The following GPATCH8 variants were observed in gnomAD, a reference collection of about 807,000 sequenced individuals.
GPATCH8 encodes the protein G patch domain-containing protein 8.
Under a neutral mutation model 118.3 loss-of-function variants are expected in GPATCH8, and 18 were observed. That is an observed-to-expected ratio of 0.15 (90% confidence interval 0.11 to 0.23). The LOEUF is 0.23. Ranked by LOEUF, GPATCH8 falls within the 10% of genes least tolerant of loss-of-function variation. The pLI is 1.00. For missense variants in GPATCH8, 1,631 were observed against 1,873.8 expected, an observed-to-expected ratio of 0.87 and a Z score of 2.39; for synonymous variants, 659 against 684.7, an observed-to-expected ratio of 0.96 and a Z score of 0.59.
At position 44,411,577 on chromosome 17, in the gene GPATCH8, G is replaced by A. The variant is rs557681021; in HGVS notation, c.493-5526C>T. ...GTATCAGAAAACAGGCAGAATTTAG[G>A]GCAGAATATTTCCTACTGCCACTAA... On this transcript the variant is annotated intron_variant, in intron 6 of 7. Transcript: ENST00000591680. 9.9e-5 allele frequency among the ~76,000 whole-genome samples: 15 copies of A among 152,122 alleles called. No homozygotes were observed. In the South Asian group the frequency reaches 2.9e-3, roughly 29 times the overall value.
intron 2 of GPATCH8, among the ~76,000 whole-genome samples, chr17:44,469,727 C>A (rs1438203868): frequency 2.0e-5 from 3 of 151,918 alleles, no homozygotes; most frequent in Non-Finnish European, 4.4e-5. Flanking sequence ...TAAAAATTCC[C>A]GAAACAAAAA....
chr17:44,439,251 T>C (rs1567989781), intron 3 of GPATCH8, among the ~76,000 whole-genome samples: 1 of 152,152 alleles, frequency 6.6e-6, no homozygotes, highest in Non-Finnish European at 1.5e-5. Context: ...TTGGAGAACT[T>C]TGTGCATTTG....
Position 44,499,595 on chromosome 17 carries a change from G to A in GPATCH8, c.45+3731C>T, listed in dbSNP as rs138745530. On this transcript the variant is annotated intron_variant, in intron 1 of 7. Transcript: ENST00000591680. ...CAGCTGCATCACCAATAATAGCTGC[G>A]CAACCATAAAATGCTAAGCACTGTT... Among the ~76,000 whole-genome samples the A allele has an allele frequency of 1.1e-3, 162 of 152,264 alleles. 1 individual carries two copies. In the East Asian group the frequency reaches 0.024, roughly 23 times the overall value.
Position 44,397,123 on chromosome 17 carries a change from C to T in GPATCH8, c.*445G>A, listed in dbSNP as rs573927607. On this transcript the variant is annotated 3_prime_UTR_variant, in exon 8 of 8. Coordinates refer to ENST00000591680, the MANE Select transcript of GPATCH8 (RefSeq NM_001002909.4). ...TCCACCACTAGAACAGCTTGGCCTT[C>T]CCTGTGGCGCTGAGAAGGCAAGACC... is the stretch of plus-strand genomic sequence containing the variant. 1.1e-4 allele frequency: 51 copies of T among 455,810 alleles called. No individual in the cohort carries two copies. Among genetic ancestry groups the T allele is most frequent in the South Asian group, 7.0e-4 (45 of 64,488 alleles). 28.2% of individuals were successfully genotyped at this position (455,810 alleles called of 1,614,324 possible). A position where few individuals can be genotyped will look rare whatever the true frequency, so the allele number is the denominator to read the frequency against.
chr17:44,414,676 T>C (rs1320344247), intron 6 of GPATCH8, among the ~76,000 whole-genome samples: 6 of 152,190 alleles, frequency 3.9e-5, no homozygotes, highest in African/African-American at 1.4e-4. Context: ...CTATCACCAC[T>C]ATCTAATTTT....
chr17:44,449,875 G>A (rs2051051787), intron 3 of GPATCH8, among the ~76,000 whole-genome samples: 2 of 152,160 alleles, frequency 1.3e-5, no homozygotes, highest in Non-Finnish European at 2.9e-5. Flanking sequence ...ACTAATAATG[G>A]AAAAAGCACT....
At chr17:44,429,756 C>T (rs1163407506) in intron 5 of GPATCH8, among the ~76,000 whole-genome samples, 1 of 151,730 alleles carries the variant, frequency 6.6e-6, no homozygotes, top group Non-Finnish European at 1.5e-5. Context: ...CCCAGTTGCT[C>T]GGGAGGCTGA....
intron 1 of GPATCH8, among the ~76,000 whole-genome samples, chr17:44,484,687 G>A (rs943508716): frequency 3.9e-5 from 6 of 152,086 alleles, no homozygotes; most frequent in Non-Finnish European, 7.4e-5. Context: ...ACATTTTGTT[G>A]TCATGTCACT....
rs1170980618 is a variant in GPATCH8, at chr17:44,399,674, G to A, written c.2403C>T (p.Thr801=). The change falls in exon 8 of 8, where the codon ACC becomes ACT. Residue 801 remains threonine, a synonymous_variant. Transcript: ENST00000591680. ...GATGGCTAGACCGGCTGCTCCGTTT[G>A]GTGCCTGCTCTTCGCTGGCAGGATG... ...PPSSCQRRAG[T]KRSSRSSHRS... 2.5e-6 allele frequency: 4 copies of A among 1,614,118 alleles called. No homozygotes were observed. Among genetic ancestry groups the A allele is most frequent in the Non-Finnish European group, 3.4e-6 (4 of 1,179,982 alleles).
At chr17:44,480,999 C>T (rs563813066) in intron 1 of GPATCH8, among the ~76,000 whole-genome samples, 20 of 152,308 alleles carry the variant, frequency 1.3e-4, no homozygotes, top group African/African-American at 4.8e-4. Flanking sequence ...CTCAACCCTC[C>T]TTGGGGCTTA....
In GPATCH8 at chr17:44,399,934, T is replaced by C. The variant is rs781733057; in HGVS notation, c.2143A>G (p.Lys715Glu). 3.1e-6 allele frequency: 5 copies of C among 1,614,100 alleles called. No homozygotes were observed. In the South Asian group the frequency reaches 5.5e-5, roughly 18 times the overall value. ...GEKSKKRKKR[K>E]RKKNKSSAPA... ...GCTGATGACTTATTCTTCTTTCGTT[T>C]TCGTTTCTTGCGCTTCTTAGATTTC... The change falls in exon 8 of 8, where the codon AAA becomes GAA. Residue 715 changes from lysine (K) to glutamate (E), a missense_variant. By Grantham distance (56) the Lys-to-Glu change is moderately conservative. Transcript: ENST00000591680.
Position 44,398,226 on chromosome 17 carries a change from G to A in GPATCH8, c.3851C>T (p.Pro1284Leu). 2 of 1,612,976 alleles carry A rather than the reference G, an allele frequency of 1.2e-6. No homozygotes were observed. Among genetic ancestry groups the A allele is most frequent in the African/African-American group, 1.3e-5 (1 of 75,002 alleles). The stretch of plus-strand genomic sequence containing the variant: ...CTCAATACTAGGATCCCCACTGGGA[G>A]GTGCATAACTGGGGAAATGCTCAAG... ...PDLEHFPSYA[P>L]PSGDPSIEST... The change falls in exon 8 of 8, where the codon CCT becomes CTT. Residue 1284 changes from proline (P) to leucine (L), a missense_variant. Coordinates refer to ENST00000591680, the MANE Select transcript of GPATCH8 (RefSeq NM_001002909.4).
At chr17:44,461,801 C>T (rs564853982) in intron 3 of GPATCH8, among the ~76,000 whole-genome samples, 57 of 152,102 alleles carry the variant, frequency 3.7e-4, no homozygotes, top group African/African-American at 1.4e-3. Flanking sequence ...TCAGGCAATC[C>T]TCCTACCTTA....
Position 44,400,071 on chromosome 17 carries a change from G to T in GPATCH8, c.2006C>A (p.Ser669Tyr). The T allele has an allele frequency of 1.9e-6, 3 of 1,613,936 alleles. No individual in the cohort carries two copies. The South Asian group carries it at 3.3e-5, about 18-fold the overall frequency. ...GRSLPSKKER[S>Y]GKSHRHKKKK... ...CTTTTTGTGCCGGTGGGACTTCCCA[G>T]ATCGTTCTTTCTTGCTGGGAAGGCT... is the stretch of plus-strand genomic sequence containing the variant. The change falls in exon 8 of 8, where the codon TCT becomes TAT. Residue 669 changes from serine to tyrosine, a missense_variant. Physicochemically the swap from Ser to Tyr is moderately radical, Grantham distance 144 (BLOSUM62 -2). Transcript: ENST00000591680.
intron 3 of GPATCH8, among the ~76,000 whole-genome samples, chr17:44,448,875 A>C (rs2144157132): frequency 6.6e-6 from 1 of 152,230 alleles, no homozygotes; most frequent in East Asian, 1.9e-4. Flanking sequence ...TACTATAATG[A>C]AGGTAATTTT....
At chr17:44,463,475 C>T (rs2051640711) in intron 3 of GPATCH8, among the ~76,000 whole-genome samples, 1 of 152,220 alleles carries the variant, frequency 6.6e-6, no homozygotes, top group Non-Finnish European at 1.5e-5. Flanking sequence ...CAACCTCCGC[C>T]TTCCAGGTTC....
intron 2 of GPATCH8, among the ~76,000 whole-genome samples, chr17:44,468,859 T>C (rs1306604739): frequency 6.6e-6 from 1 of 152,162 alleles, no homozygotes; most frequent in African/African-American, 2.4e-5. Flanking sequence ...CTAACTTTAA[T>C]AAATAAGGCA....
In GPATCH8 at chr17:44,399,502, G is replaced by A. The variant is rs371965837; in HGVS notation, c.2575C>T (p.Arg859Cys). 1.7e-5 allele frequency: 28 copies of A among 1,614,066 alleles called. 1 individual carries two copies. Among genetic ancestry groups the A allele is most frequent in the Middle Eastern group, 1.6e-4 (1 of 6,084 alleles). The change falls in exon 8 of 8, where the codon CGC becomes TGC. Residue 859 changes from arginine (R) to cysteine (C), a missense_variant. By Grantham distance (180) the Arg-to-Cys change is radical. Around this residue, in one of 8 missense-constraint regions of GPATCH8, gnomAD observed 922 missense variants for 879.7 expected, o/e 1.05. Transcript: ENST00000591680. The part of the protein sequence containing the change: ...HSRSRSRSGR[R>C]HSSHRSSRRS... Reference sequence around the variant, plus strand: ...CGGGAGGAACGATGCGAGGAATGGCGCCGGCCAGACCTTGAGCGGCTGCGG... The same window carrying A: ...CGGGAGGAACGATGCGAGGAATGGCACCGGCCAGACCTTGAGCGGCTGCGG...
intron 1 of GPATCH8, among the ~76,000 whole-genome samples, chr17:44,483,179 ATATATATATATATATATATATAT>A (rs1968457236): frequency 1.0e-4 from 2 of 19,988 alleles, no homozygotes; most frequent in African/African-American, 2.3e-4. Context: ...AAAAAAAAAT[ATATATATATATATATATATATAT>A]ATATATATAT....
Sources: allele counts gnomAD v4.1 joint callset (sites outside exome capture counted in the v4.1 genomes callset), GRCh38; gene constraint gnomAD v4.1.1; regional missense constraint gnomAD v4.1.1; transcripts MANE v1.5; gene names NCBI Gene and HGNC (gene_info 2026-07-23, HGNC 2026-07-21).